The following ABCB6 variants were observed in gnomAD, a reference collection of about 807,000 sequenced individuals.
ABCB6 encodes ATP binding cassette subfamily B member 6 (LAN blood group), also known as ATP-binding cassette sub-family B member 6.
A neutral mutation model predicts 99.4 loss-of-function variants in ABCB6; 87 were observed. That is an observed-to-expected ratio of 0.88 (90% CI 0.74 to 1.05). The LOEUF (loss-of-function observed/expected upper bound fraction) is 1.05, where lower values mean the gene tolerates loss of function less well. Ranked by LOEUF, ABCB6 falls within the 50% of genes least tolerant of loss-of-function variation. The pLI is 0.00. For missense variants in ABCB6, 1,050 were observed against 1,097.9 expected (o/e 0.96, Z 0.62); for synonymous variants, 482 against 447.5 (o/e 1.08, Z -0.97).
At chr2:219,215,216 G>T in intron 5 of ABCB6, 134 bp from the exon 6 acceptor site, 1 of 1,129,046 alleles carries the variant, frequency 8.9e-7, no homozygotes, top group Non-Finnish European at 1.2e-6. Context: ...CTACCCTCAA[G>T]AGGTGGGTGG....
chr2:219,215,579 A>G (rs1950628960), intron 5 of ABCB6: 1 of 166,160 alleles, frequency 6.0e-6, no homozygotes, highest in East Asian at 1.8e-4. Context: ...TGTTTCTACA[A>G]AAAATCTAAT....
At position 219,213,917 on chromosome 2, in the gene ABCB6, A is replaced by G; in HGVS notation, c.1487T>C (p.Leu496Ser). 1 of 1,614,110 alleles carries G rather than the reference A, an allele frequency of 6.2e-7. No homozygotes were observed. The highest frequency in any genetic ancestry group is 8.5e-7 in the Non-Finnish European group (1 of 1,180,042). ...LEWKSSASLV[L>S]LNQTQNLVIG... is the part of the protein sequence containing the mutation. ...CACCAGGTTCTGGGTCTGATTTAGT[A>G]AAACCAGTGAAGCGCTCGACTTCCA... Residue 496 changes from leucine to serine, a missense_variant, in exon 9 of 19, where the codon TTA (leucine) becomes TCA (serine). Coordinates refer to ENST00000265316, the MANE Select transcript of ABCB6 (RefSeq NM_005689.4).
At position 219,213,419 on chromosome 2, in the gene ABCB6, A is replaced by G; in HGVS notation, c.1719+20T>C. On this transcript the variant is annotated intron_variant, in intron 11 of 18. Coordinates refer to ENST00000265316, the MANE Select transcript of ABCB6 (RefSeq NM_005689.4). ...CACAGCTCCTCCCTCCCCAAACCCT[A>G]CTCCTCTCCCTTCGCTCACTTCTGT... The G allele has an allele frequency of 1.2e-6, 2 of 1,612,874 alleles. No homozygotes were observed. The highest frequency in any genetic ancestry group is 2.2e-5 in the South Asian group (2 of 91,030).
Position 219,216,826 on chromosome 2 carries a change from ACCG to A in ABCB6, c.691_693del (p.Arg231del). The A allele has an allele frequency of 6.2e-7, 1 of 1,611,834 alleles. No individual in the cohort carries two copies. The highest frequency in any genetic ancestry group is 8.5e-7 in the Non-Finnish European group (1 of 1,179,354). ...CGCCAGGTAGACTGTTGGGCTGCTG[ACCG>A]AACCTAGGATGGTGAAACACGTAGG... On this transcript the variant is annotated inframe_deletion, in exon 3 of 19. Coordinates refer to ENST00000265316, the MANE Select transcript of ABCB6 (RefSeq NM_005689.4). This position sits in a 1 kb window ranked among gnomAD's most constrained non-coding sequence, Gnocchi z 4.2.
chr2:219,210,493 G>T lies in ABCB6; in HGVS notation c.2257-18C>A. On this transcript the variant is annotated intron_variant, in intron 16 of 18. Transcript: ENST00000265316. ...GACGTTGCCTATAGAGAGGGTCCAG[G>T]TAAAACTGCTCCTGCCACTCAAAAC... The T allele has an allele frequency of 1.9e-6, 3 of 1,611,308 alleles. No individual in the cohort carries two copies. In the East Asian group the frequency reaches 6.7e-5, roughly 36 times the overall value.
chr2:219,218,676 C>G lies in ABCB6; in HGVS notation c.-3G>C. 6.5e-7 allele frequency: 1 copy of G among 1,544,136 alleles called. No homozygotes were observed. The highest frequency in any genetic ancestry group is 8.7e-7 in the Non-Finnish European group (1 of 1,143,976). On this transcript the variant is annotated 5_prime_UTR_variant, in exon 1 of 19. Coordinates refer to ENST00000265316, the MANE Select transcript of ABCB6 (RefSeq NM_005689.4). ...CAGTAGTTGCCCACAGTCACCATGG[C>G]AATGCGTGGACGCCGGCCGAGGCTG...
At chr2:219,217,189 T>C (rs1203406443) in intron 2 of ABCB6, among the ~76,000 whole-genome samples, 1 of 151,912 alleles carries the variant, frequency 6.6e-6, no homozygotes, top group African/African-American at 2.4e-5. Context: ...TGAAACCCCA[T>C]CTCCACTAAA....
At chr2:219,212,088 TG>T (rs2106423392) in intron 14 of ABCB6, among the ~76,000 whole-genome samples, 1 of 151,982 alleles carries the variant, frequency 6.6e-6, no homozygotes, top group East Asian at 1.9e-4. Context: ...GTAGAGAGGG[TG>T]TTTTGCCATG....
chr2:219,212,633 T>G, intron 13 of ABCB6, 142 bp from the exon 14 acceptor site: 1 of 671,394 alleles, frequency 1.5e-6, no homozygotes, highest in Non-Finnish European at 2.6e-6. Flanking sequence ...AGCGATTCTC[T>G]TGCCTCAGCC....
Position 219,210,747 on chromosome 2 carries a change from G to A in ABCB6, c.2220C>T (p.Thr740=). 6.2e-7 allele frequency: 1 copy of A among 1,613,748 alleles called. No homozygotes were observed. The highest frequency in any genetic ancestry group is 8.5e-7 in the Non-Finnish European group (1 of 1,180,018). The change falls in exon 16 of 19, where the codon ACC becomes ACT. Residue 740 remains threonine, a synonymous_variant. Coordinates refer to ENST00000265316, the MANE Select transcript of ABCB6 (RefSeq NM_005689.4). ...GEKQRVAIAR[T]ILKAPGIILL... ...GAATGATGCCCGGAGCCTTGAGGAT[G>A]GTGCGGGCAATGGCGACGCGCTGCT...
At chr2:219,211,149 C>G in intron 14 of ABCB6, 41 bp from the exon 15 acceptor site, 1 of 1,605,262 alleles carries the variant, frequency 6.2e-7, no homozygotes, top group South Asian at 1.1e-5. Flanking sequence ...ATGAGATACC[C>G]CCAAGGCCTG....
Position 219,217,654 on chromosome 2 carries a change from A to AG in ABCB6, c.687+15dup, listed in dbSNP as rs759073237. On this transcript the variant is annotated intron_variant, in intron 2 of 18. Transcript: ENST00000265316. The stretch of plus-strand genomic sequence containing the variant: ...CAAGACTCCGTCTCCAAAAAAAAAA[A>AG]GAAACTGAGGTGTACCTGGCTCCTT... 11 of 1,572,048 alleles carry AG rather than the reference A, an allele frequency of 7.0e-6. No homozygotes were observed. The highest frequency in any genetic ancestry group is 4.2e-5 in the African/African-American group (3 of 72,220).
chr2:219,213,539 C>G, intron 10 of ABCB6, 37 bp from the exon 11 acceptor site: 1 of 1,614,140 alleles, frequency 6.2e-7, no homozygotes, highest in Non-Finnish European at 8.5e-7. Context: ...CTCTGAGTAG[C>G]CAGGAAATAA....
intron 5 of ABCB6, 188 bp downstream of exon 5, chr2:219,215,809 G>A (rs563230558): frequency 4.1e-5 from 22 of 533,462 alleles, no homozygotes; most frequent in Non-Finnish European, 6.1e-5. Context: ...CAGCTCGAAA[G>A]AGATTTGCCC....
rs745836993 is a variant in ABCB6, at chr2:219,218,368, TG to T, written c.305del (p.Pro102HisfsTer148). 3 of 1,612,774 alleles carry T rather than the reference TG, an allele frequency of 1.9e-6. No homozygotes were observed. In the Admixed American group the frequency reaches 5.0e-5, roughly 27 times the overall value. On this transcript the variant is annotated frameshift_variant, in exon 1 of 19. Coordinates refer to ENST00000265316, the MANE Select transcript of ABCB6 (RefSeq NM_005689.4). LOFTEE classifies it high-confidence loss of function. Reference sequence around the variant, plus strand: ...AGGCCAGAAGTAGATAGCTTGGCAGTGGGGCCCCCCGGGCAGTGCCCACCCG... The same window carrying T: ...AGGCCAGAAGTAGATAGCTTGGCAGTGGGCCCCCCGGGCAGTGCCCACCCG... ...AGRVGTARGA[P>X]LPSYLLLASV...
chr2:219,211,141 G>A, intron 14 of ABCB6, 33 bp from the exon 15 acceptor site: 2 of 1,610,078 alleles, frequency 1.2e-6, no homozygotes, highest in Non-Finnish European at 1.7e-6. Flanking sequence ...TCTGCCTTAT[G>A]AGATACCCCC....
In ABCB6 at chr2:219,216,422, C is replaced by A. The variant is rs761207708; in HGVS notation, c.912G>T (p.Trp304Cys). ...TGAGGAAGACGTAACTGGTAACAGT[C>A]CAGGCCAGAGAGTTCCAAGGTGCCT... ...TEKAPWNSLA[W>C]TVTSYVFLKF... The change falls in exon 4 of 19, where the codon TGG becomes TGT. Residue 304 changes from tryptophan (W) to cysteine (C), a missense_variant. Coordinates refer to ENST00000265316, the MANE Select transcript of ABCB6 (RefSeq NM_005689.4). This position sits in a 1 kb window ranked among gnomAD's most constrained non-coding sequence, Gnocchi z 4.2. 1.2e-6 allele frequency: 2 copies of A among 1,614,104 alleles called. No homozygotes were observed. The highest frequency in any genetic ancestry group is 1.1e-5 in the South Asian group (1 of 91,088).
chr2:219,212,976 C>T (rs761423202), intron 13 of ABCB6, 32 bp downstream of exon 13: 1 of 1,611,892 alleles, frequency 6.2e-7, no homozygotes, highest in Non-Finnish European at 8.5e-7. Context: ...AAGCTTGAGG[C>T]ATCTGGGCCA....
Position 219,216,068 on chromosome 2 carries a change from G to A in ABCB6, c.1083C>T (p.His361=). The part of the protein sequence containing the change: ...SHLHELSLRW[H]LGRRTGEVLR... ...GCACCTCCCCTGTGCGGCGCCCCAG[G>A]TGCCAGCGCAGTGAGAGCTCGTGCA... The change falls in exon 5 of 19, where the codon CAC becomes CAT. Residue 361 remains histidine (H), a synonymous_variant. Transcript: ENST00000265316. The surrounding 1 kb of genome is among the most constrained non-coding windows in gnomAD (Gnocchi z 4.2). 2 of 1,604,932 alleles carry A rather than the reference G, an allele frequency of 1.2e-6. No homozygotes were observed. Among genetic ancestry groups the A allele is most frequent in the South Asian group, 1.1e-5 (1 of 89,690 alleles).
Sources: gnomAD v4.1 joint callset for allele counts (sites outside exome capture counted in the v4.1 genomes callset) on GRCh38, gnomAD v4.1.1 for gene constraint, Gnocchi (gnomAD v3.1) non-coding constraint, MANE v1.5 for transcripts, NCBI Gene and HGNC (gene_info 2026-07-23, HGNC 2026-07-21) for gene names.